Variants in ANK2 observed in about 807,000 individuals in gnomAD.
ANK2 encodes the protein ankyrin-2.
ANK2 carries 83 observed loss-of-function variants against 360.5 expected under a neutral mutation model. The ratio of observed to expected loss-of-function variants is 0.23; its 90% CI spans 0.19 to 0.28. ANK2 has a LOEUF of 0.28. ANK2 is among the 10% of genes least tolerant of loss of function. The pLI, the probability that ANK2 is intolerant of heterozygous loss-of-function variation, is 1.00. For synonymous variants in ANK2, 1,740 were observed against 1,759.5 expected (o/e 0.99, Z 0.28); for missense variants, 4,201 against 4,795.7 (o/e 0.88, Z 3.66).
chr4:112,792,546 A>G, the ANK2 span, among the ~76,000 whole-genome samples: 1 of 152,326 alleles, frequency 6.6e-6, no homozygotes, highest in Non-Finnish European at 1.5e-5. Flanking sequence ...CATTGTTGAT[A>G]ACTATAAAAT....
At chr4:113,274,199 A>C (rs2059458381) in intron 14 of ANK2, among the ~76,000 whole-genome samples, 2 of 152,256 alleles carry the variant, frequency 1.3e-5, no homozygotes, top group African/African-American at 2.4e-5. Context: ...TAATGAGTTG[A>C]GAAATATTTC....
chr4:113,189,484 A>G (rs1284335095), intron 2 of ANK2, among the ~76,000 whole-genome samples: 1 of 152,162 alleles, frequency 6.6e-6, no homozygotes. Flanking sequence ...TAGTCAACAA[A>G]TGTTTTAGTA....
At chr4:112,912,497 A>G (rs1415493711) in intron 2 of ANK2, among the ~76,000 whole-genome samples, 1 of 151,994 alleles carries the variant, frequency 6.6e-6, no homozygotes, top group Non-Finnish European at 1.5e-5. Flanking sequence ...GGGGTGGTGT[A>G]TATTATGATT....
intron 1 of ANK2, among the ~76,000 whole-genome samples, chr4:112,869,749 C>A (rs2072162832): frequency 6.6e-6 from 1 of 152,174 alleles, no homozygotes; most frequent in African/African-American, 2.4e-5. Context: ...GTGGTGTGAT[C>A]TCTGCTCACT....
the ANK2 span, chr4:112,738,862 A>G: frequency 3.1e-6 from 2 of 655,526 alleles, no homozygotes; most frequent in Admixed American, 3.7e-5. Flanking sequence ...GGGAGCAACA[A>G]CAACAAACAA....
chr4:112,881,015 T>G (rs775718332), intron 1 of ANK2, among the ~76,000 whole-genome samples: 67 of 152,352 alleles, frequency 4.4e-4, no homozygotes, highest in Non-Finnish European at 6.3e-4. Flanking sequence ...TAGAAATAAC[T>G]GCTTAATATT....
intron 4 of ANK2, among the ~76,000 whole-genome samples, chr4:113,229,536 G>A (rs2099266827): frequency 6.6e-6 from 1 of 152,198 alleles, no homozygotes; most frequent in African/African-American, 2.4e-5. Context: ...ATTAGGATGT[G>A]GACATATGTG....
intron 2 of ANK2, among the ~76,000 whole-genome samples, chr4:113,005,576 C>T (rs2052542415): frequency 6.6e-6 from 1 of 151,976 alleles, no homozygotes; most frequent in African/African-American, 2.4e-5. Flanking sequence ...ATACCAGAGA[C>T]TGTGAGGGGT....
the ANK2 span, among the ~76,000 whole-genome samples, chr4:112,712,679 T>C: frequency 1.3e-5 from 2 of 152,052 alleles, no homozygotes; most frequent in East Asian, 3.9e-4. Context: ...AGTGCTGGGA[T>C]TACAGGCATG....
rs187339701 is a variant in ANK2 at position 112,954,894 on chromosome 4, C to T, written c.21+50380C>T. ...TTAAAAGCATGAAAAAATATACAGG[C>T]AATAATCAACATCTATGAATCAGTT... On this transcript the variant is annotated intron_variant, in intron 2 of 30. Transcript: ENST00000503271. Among the ~76,000 whole-genome samples, 315 of 152,066 alleles carry T rather than the reference C, an allele frequency of 2.1e-3. 1 individual carries two copies. The highest frequency in any genetic ancestry group is 7.1e-3 in the African/African-American group (294 of 41,494).
At chr4:112,999,276 C>G (rs910573615) in intron 2 of ANK2, among the ~76,000 whole-genome samples, 1 of 132,440 alleles carries the variant, frequency 7.6e-6, no homozygotes, top group Non-Finnish European at 1.6e-5. Flanking sequence ...AACTATAATA[C>G]TTTATTTTTG....
At chr4:112,914,560 C>A (rs1245133882) in intron 2 of ANK2, among the ~76,000 whole-genome samples, 1 of 151,992 alleles carries the variant, frequency 6.6e-6, no homozygotes, top group Admixed American at 6.6e-5. Flanking sequence ...AGGAGGATGG[C>A]GCCACTGCAC....
At chr4:112,986,519 G>T (rs2044923808) in intron 2 of ANK2, among the ~76,000 whole-genome samples, 1 of 152,144 alleles carries the variant, frequency 6.6e-6, no homozygotes, top group South Asian at 2.1e-4. Context: ...GGGAGAAGGA[G>T]GATAGGCACA....
At chr4:113,078,816 A>G (rs1295701800) in intron 1 of ANK2, among the ~76,000 whole-genome samples, 1 of 152,218 alleles carries the variant, frequency 6.6e-6, no homozygotes, top group Admixed American at 6.5e-5. Context: ...AGGAAAACCA[A>G]CTGCCAGAGA....
At chr4:112,818,985 G>T (rs1213891797) in intron 1 of ANK2, among the ~76,000 whole-genome samples, 2 of 152,076 alleles carry the variant, frequency 1.3e-5, no homozygotes, top group Admixed American at 6.5e-5. Context: ...GTGTTTTTTT[G>T]TTTGTTTGTT....
chr4:113,049,114 G>A (rs1248038935), upstream of ANK2, among the ~76,000 whole-genome samples: 1 of 152,162 alleles, frequency 6.6e-6, no homozygotes, highest in Non-Finnish European at 1.5e-5. Flanking sequence ...CTGGAGGTTG[G>A]AGAAGCTGTT....
chr4:112,833,369 C>T (rs879176855), intron 1 of ANK2, among the ~76,000 whole-genome samples: 1 of 152,146 alleles, frequency 6.6e-6, no homozygotes, highest in Non-Finnish European at 1.5e-5. Flanking sequence ...GCAATTTTTG[C>T]AAGATAAATC....
At chr4:112,715,594 A>AT in the ANK2 span, among the ~76,000 whole-genome samples, 14 of 152,188 alleles carry the variant, frequency 9.2e-5, no homozygotes, top group Non-Finnish European at 2.9e-5. Context: ...CCTCACTTAA[A>AT]TCTTCATAAA....
intron 15 of ANK2, among the ~76,000 whole-genome samples, chr4:113,276,522 A>G (rs1346480997): frequency 6.6e-6 from 1 of 152,218 alleles, no homozygotes; most frequent in African/African-American, 2.4e-5. Context: ...TGATGCAGTT[A>G]GCCTCAAAGA....
Sources: gnomAD v4.1 joint callset for allele counts (sites outside exome capture counted in the v4.1 genomes callset) on GRCh38, gnomAD v4.1.1 for gene constraint, MANE v1.5 for transcripts, NCBI Gene and HGNC (gene_info 2026-07-23, HGNC 2026-07-21) for gene names.